Variants in C10orf90 observed in about 807,000 individuals in gnomAD.
C10orf90 encodes (E2-independent) E3 ubiquitin-conjugating enzyme FATS.
In C10orf90, 56 loss-of-function variants were observed where a neutral mutation model predicts 62.5. The observed-to-expected ratio is 0.90, with a 90% CI of 0.72 to 1.12. The LOEUF is 1.12. Among genes scored for constraint, C10orf90 ranks in the 50% most tolerant of loss-of-function variants. The pLI is 0.00. For missense variants in C10orf90, 970 were observed against 880.4 expected (o/e 1.10, Z -1.29); for synonymous variants, 386 against 340.4 (o/e 1.13, Z -1.47).
intron 4 of C10orf90, among the ~76,000 whole-genome samples, chr10:126,495,027 A>T (rs1209335462): frequency 6.6e-6 from 1 of 152,218 alleles, no homozygotes; most frequent in African/African-American, 2.4e-5. Context: ...TAAATGCAGG[A>T]ATATTTTTCA....
At chr10:126,661,670 C>T (rs1482436707) in intron 1 of C10orf90, among the ~76,000 whole-genome samples, 1 of 144,802 alleles carries the variant, frequency 6.9e-6, no homozygotes, top group Non-Finnish European at 1.5e-5. Flanking sequence ...CTCTCTCTCT[C>T]TTTTTTTTTT....
intron 7 of C10orf90, among the ~76,000 whole-genome samples, chr10:126,449,216 T>C (rs1231815056): frequency 6.6e-6 from 1 of 152,218 alleles, no homozygotes; most frequent in African/African-American, 2.4e-5. Context: ...ATGCCTGGGA[T>C]GCAATGATGG....
intron 1 of C10orf90, among the ~76,000 whole-genome samples, chr10:126,670,031 A>C (rs1045178032): frequency 1.3e-5 from 2 of 152,226 alleles, no homozygotes; most frequent in Non-Finnish European, 2.9e-5. Context: ...AATTAACTTC[A>C]TCCGATATAC....
chr10:126,527,772 C>T (rs1863988545), intron 2 of C10orf90, among the ~76,000 whole-genome samples: 2 of 152,156 alleles, frequency 1.3e-5, no homozygotes, highest in South Asian at 4.1e-4. Flanking sequence ...TAGCACGCTG[C>T]CTGGCATGTA....
At chr10:126,427,025 G>C (rs1243481487) in intron 8 of C10orf90, among the ~76,000 whole-genome samples, 6 of 152,164 alleles carry the variant, frequency 3.9e-5, no homozygotes, top group Admixed American at 3.9e-4. Context: ...GTAAGATTAG[G>C]AGACTTGTAT....
chr10:126,573,498 G>A (rs757392058), intron 2 of C10orf90, among the ~76,000 whole-genome samples: 4 of 152,040 alleles, frequency 2.6e-5, no homozygotes, highest in Non-Finnish European at 4.4e-5. Flanking sequence ...TTACAGACTC[G>A]CCATGAGTTC....
intron 3 of C10orf90, among the ~76,000 whole-genome samples, chr10:126,506,178 ATTGT>A (rs1304165220): frequency 1.8e-4 from 27 of 152,316 alleles, no homozygotes; most frequent in African/African-American, 5.8e-4. Flanking sequence ...TAATCAGCAG[ATTGT>A]TTGTCCTAAC....
intron 4 of C10orf90, among the ~76,000 whole-genome samples, chr10:126,479,988 C>T (rs1017629081): frequency 6.6e-6 from 1 of 152,126 alleles, no homozygotes; most frequent in African/African-American, 2.4e-5. Context: ...AAAAATATAT[C>T]CCATCTTTTC....
At chr10:126,565,216 T>A (rs1051655900) in intron 2 of C10orf90, among the ~76,000 whole-genome samples, 655 of 26,622 alleles carry the variant, frequency 0.025, 3 homozygotes, top group East Asian at 0.047. Flanking sequence ...TGTAATATAA[T>A]TTTTATATTA....
chr10:126,579,517 AG>A (rs1401391495), intron 2 of C10orf90, among the ~76,000 whole-genome samples: 1 of 152,140 alleles, frequency 6.6e-6, no homozygotes, highest in African/African-American at 2.4e-5. Flanking sequence ...CTGGGCTTAA[AG>A]GCATGAGCCA....
chr10:126,587,081 C>G (rs756435689), intron 2 of C10orf90, among the ~76,000 whole-genome samples: 7 of 152,122 alleles, frequency 4.6e-5, no homozygotes, highest in Non-Finnish European at 1.0e-4. Flanking sequence ...AGGTTTCATA[C>G]TTGTGTATGC....
At chr10:126,612,038 C>T (rs1274467101) in intron 2 of C10orf90, among the ~76,000 whole-genome samples, 2 of 152,190 alleles carry the variant, frequency 1.3e-5, no homozygotes, top group African/African-American at 2.4e-5. Context: ...GCTCAAGAGT[C>T]GGCCAGACGC....
chr10:126,493,362 TC>T (rs1861864969), intron 4 of C10orf90, among the ~76,000 whole-genome samples: 3 of 148,890 alleles, frequency 2.0e-5, no homozygotes, highest in African/African-American at 7.3e-5. Flanking sequence ...AAACATGTTT[TC>T]CTTTTTTTTT....
intron 1 of C10orf90, among the ~76,000 whole-genome samples, chr10:126,647,121 T>C (rs1394237898): frequency 6.6e-6 from 1 of 152,212 alleles, no homozygotes; most frequent in African/African-American, 2.4e-5. Context: ...GGTATGACTG[T>C]TTTGCTGACT....
At chr10:126,590,698 A>G (rs188876474) in intron 2 of C10orf90, among the ~76,000 whole-genome samples, 34 of 152,288 alleles carry the variant, frequency 2.2e-4, no homozygotes, top group Admixed American at 2.2e-3. Flanking sequence ...TTAAGAGGCA[A>G]ATTTATAGCA....
At chr10:126,603,398 C>G (rs539983905) in intron 2 of C10orf90, among the ~76,000 whole-genome samples, 1 of 152,248 alleles carries the variant, frequency 6.6e-6, no homozygotes, top group East Asian at 1.9e-4. Context: ...ATGGGGGTAA[C>G]CGCCCCCATG....
rs149721823 is a variant in C10orf90 at position 126,565,805 on chromosome 10, C to T, written c.314-51866G>A. ...CTCTCTCAAAGCTCCAGATGCTGGT[C>T]GCAGCATCCTCCACCCGCTGTTTTG... On this transcript the variant is annotated intron_variant, in intron 2 of 9. Coordinates refer to ENST00000488181, the MANE Select transcript of C10orf90 (RefSeq NM_001350921.2). Among the ~76,000 whole-genome samples the T allele has an allele frequency of 7.4e-3, 1,124 of 152,258 alleles. 20 individuals carry two copies. The highest frequency in any genetic ancestry group is 0.025 in the African/African-American group (1,048 of 41,546).
intron 1 of C10orf90, among the ~76,000 whole-genome samples, chr10:126,669,694 ACTCT>A (rs1043376778): frequency 9.0e-6 from 1 of 110,556 alleles, no homozygotes; most frequent in Non-Finnish European, 1.8e-5. Context: ...AAGTTCTCTC[ACTCT>A]CTGTCTTTTT....
chr10:126,572,606 C>G (rs1261812784), intron 2 of C10orf90, among the ~76,000 whole-genome samples: 3 of 152,142 alleles, frequency 2.0e-5, no homozygotes, highest in Non-Finnish European at 4.4e-5. Flanking sequence ...AGAGGTCACT[C>G]TCCTCACCAT....
Sources: allele counts gnomAD v4.1 joint callset (sites outside exome capture counted in the v4.1 genomes callset), GRCh38; gene constraint gnomAD v4.1.1; transcripts MANE v1.5; gene names NCBI Gene and HGNC (gene_info 2026-07-23, HGNC 2026-07-21).